CCDC141: variants seen among roughly 807,000 people sequenced by gnomAD.
The protein encoded by CCDC141 is coiled-coil domain containing 141, also known as coiled-coil domain-containing protein 141.
CCDC141 carries 168 observed loss-of-function variants against 181.0 expected under a neutral mutation model. That is an observed-to-expected ratio of 0.93 (90% CI 0.82 to 1.05). The LOEUF (loss-of-function observed/expected upper bound fraction) is 1.05, where lower values mean the gene tolerates loss of function less well. Ranked by LOEUF, CCDC141 falls within the 50% of genes least tolerant of loss-of-function variation. The pLI is 0.00. For synonymous variants in CCDC141, 666 were observed against 642.3 expected, an observed-to-expected ratio of 1.04 and a Z score of -0.56; for missense variants, 1,902 against 1,788.5, an observed-to-expected ratio of 1.06 and a Z score of -1.14.
intron 17 of CCDC141, among the ~76,000 whole-genome samples, chr2:178,861,811 T>C (rs1036816984): frequency 6.6e-6 from 1 of 152,164 alleles, no homozygotes; most frequent in African/African-American, 2.4e-5. Context: ...AGAAGCCACA[T>C]TAACACATTC....
At chr2:179,012,201 G>A (rs1423156049) in intron 2 of CCDC141, among the ~76,000 whole-genome samples, 1 of 151,936 alleles carries the variant, frequency 6.6e-6, no homozygotes, top group Admixed American at 6.6e-5. Flanking sequence ...TGTTTGAAAA[G>A]GTAAATAAAA....
At chr2:178,973,006 A>C (rs146577440) in intron 4 of CCDC141, among the ~76,000 whole-genome samples, 50 of 152,284 alleles carry the variant, frequency 3.3e-4, no homozygotes, top group African/African-American at 1.1e-3. Flanking sequence ...GTTTTGTACT[A>C]CTCAACTGAT....
At chr2:178,856,987 C>G (rs551859951) in intron 17 of CCDC141, among the ~76,000 whole-genome samples, 2 of 152,116 alleles carry the variant, frequency 1.3e-5, no homozygotes, top group African/African-American at 4.8e-5. Context: ...TAATACTTTT[C>G]GATTTGTAAT....
chr2:179,037,373 A>G (rs2592563), intron 2 of CCDC141, among the ~76,000 whole-genome samples: 2 of 152,060 alleles, frequency 1.3e-5, no homozygotes, highest in Non-Finnish European at 2.9e-5. Context: ...AAGCATTTAG[A>G]GAAAAACACT....
In CCDC141 at chr2:178,986,518, A is replaced by G. The variant is rs560708085; in HGVS notation, c.226-7843T>C. On this transcript the variant is annotated intron_variant, in intron 2 of 23. Transcript: ENST00000443758. Reference sequence around the variant, plus strand: ...AGGGTATTCAATCAGGAAAAGGGGAAGTCAAATTGTCCCTGTTTGCAGATG... The same window carrying G: ...AGGGTATTCAATCAGGAAAAGGGGAGGTCAAATTGTCCCTGTTTGCAGATG... 2.3e-3 allele frequency among the ~76,000 whole-genome samples: 354 copies of G among 152,342 alleles called. 2 individuals are homozygous for G. The highest frequency in any genetic ancestry group is 7.9e-3 in the African/African-American group (329 of 41,568).
chr2:179,011,538 C>G (rs1559045831), intron 2 of CCDC141, among the ~76,000 whole-genome samples: 1 of 152,102 alleles, frequency 6.6e-6, no homozygotes, highest in East Asian at 1.9e-4. Context: ...TTCAATACCC[C>G]ACTGACAACA....
chr2:178,904,995 G>C (rs1464888381), intron 8 of CCDC141, among the ~76,000 whole-genome samples: 7 of 152,172 alleles, frequency 4.6e-5, no homozygotes, highest in Non-Finnish European at 2.9e-5. Context: ...CAAAGGGAAG[G>C]AGCTATTCCA....
At chr2:178,962,626 C>T (rs1189849682) in intron 4 of CCDC141, among the ~76,000 whole-genome samples, 1 of 141,024 alleles carries the variant, frequency 7.1e-6, no homozygotes, top group Non-Finnish European at 1.5e-5. Flanking sequence ...TTCCTTCTTT[C>T]CTTCTTTCTT....
At chr2:178,922,781 A>C (rs1242828231) in intron 6 of CCDC141, among the ~76,000 whole-genome samples, 2 of 152,176 alleles carry the variant, frequency 1.3e-5, no homozygotes, top group Non-Finnish European at 2.9e-5. Flanking sequence ...GCCTTTGAAA[A>C]CCCACTTTAA....
chr2:178,850,954 C>T (rs994390625), intron 20 of CCDC141, among the ~76,000 whole-genome samples: 3 of 152,194 alleles, frequency 2.0e-5, no homozygotes, highest in Middle Eastern at 6.8e-3. Context: ...GCCTGTAATC[C>T]GAGCACTTTG....
At chr2:178,868,558 T>C (rs2154368869) in intron 15 of CCDC141, among the ~76,000 whole-genome samples, 1 of 136,298 alleles carries the variant, frequency 7.3e-6, no homozygotes, top group South Asian at 2.3e-4. Flanking sequence ...GAAGTTTTTG[T>C]AAAAATGCCA....
chr2:179,011,855 T>C (rs1323091383), intron 2 of CCDC141, among the ~76,000 whole-genome samples: 4 of 152,088 alleles, frequency 2.6e-5, no homozygotes, highest in Non-Finnish European at 4.4e-5. Context: ...GGAAATTAAA[T>C]AATCTCCTGA....
chr2:178,864,077 G>T (rs900639452), intron 17 of CCDC141, among the ~76,000 whole-genome samples: 1 of 152,312 alleles, frequency 6.6e-6, no homozygotes, highest in Admixed American at 6.5e-5. Context: ...AGCTAGAAAC[G>T]GAGCCAGAGG....
At chr2:178,850,271 G>C (rs1426596805) in intron 20 of CCDC141, 110 bp from the exon 21 acceptor site, 3 of 630,136 alleles carry the variant, frequency 4.8e-6, no homozygotes, top group African/African-American at 3.8e-5. Flanking sequence ...TAAATTGTAA[G>C]TTCTTAATAA....
chr2:178,856,572 CTCTT>C (rs1302661319), intron 17 of CCDC141, among the ~76,000 whole-genome samples, 175 bp from the exon 18 acceptor site: 1 of 141,494 alleles, frequency 7.1e-6, no homozygotes. Flanking sequence ...TTCTCTTTCT[CTCTT>C]TCTTTCTTCT....
intron 6 of CCDC141, among the ~76,000 whole-genome samples, chr2:178,939,624 A>G (rs1481451964): frequency 6.6e-6 from 1 of 152,246 alleles, no homozygotes; most frequent in African/African-American, 2.4e-5. Flanking sequence ...TTGTTTCTTC[A>G]TGTGTCCACA....
At chr2:178,923,029 T>C (rs970658523) in intron 6 of CCDC141, among the ~76,000 whole-genome samples, 5 of 152,238 alleles carry the variant, frequency 3.3e-5, no homozygotes, top group Admixed American at 2.0e-4. Flanking sequence ...CTGATGCATT[T>C]CTCTACCATT....
intron 6 of CCDC141, among the ~76,000 whole-genome samples, chr2:178,929,620 AAAC>A (rs1394784997): frequency 6.6e-6 from 1 of 152,170 alleles, no homozygotes; most frequent in African/African-American, 2.4e-5. Flanking sequence ...GACTAAATAC[AAAC>A]AACAACAAAA....
At chr2:178,884,515 T>C (rs1387062416) in intron 11 of CCDC141, among the ~76,000 whole-genome samples, 1 of 152,212 alleles carries the variant, frequency 6.6e-6, no homozygotes, top group African/African-American at 2.4e-5. Context: ...AATGTAGATT[T>C]GCTGAGGCTA....
Sources: allele counts gnomAD v4.1 joint callset (sites outside exome capture counted in the v4.1 genomes callset), GRCh38; gene constraint gnomAD v4.1.1; transcripts MANE v1.5; gene names NCBI Gene and HGNC (gene_info 2026-07-23, HGNC 2026-07-21).